ACLY: variants seen among roughly 807,000 people sequenced by gnomAD.
The protein encoded by ACLY is ATP citrate lyase, also known as ATP-citrate synthase.
ACLY carries 41 observed loss-of-function variants against 133.0 expected under a neutral mutation model. The ratio of observed to expected loss-of-function variants is 0.31; its 90% CI spans 0.24 to 0.40. The LOEUF (loss-of-function observed/expected upper bound fraction) is 0.40, where lower values mean the gene tolerates loss of function less well. ACLY is among the 10% of genes least tolerant of loss of function. The pLI, the probability that ACLY is intolerant of heterozygous loss-of-function variation, is 1.00. For synonymous variants in ACLY, 495 were observed against 549.3 expected (o/e 0.90, Z 1.38); for missense variants, 1,046 against 1,453.8 (o/e 0.72, Z 4.56).
At chr17:41,915,248 G>A (rs2050020714) in intron 1 of ACLY, among the ~76,000 whole-genome samples, 2 of 152,188 alleles carry the variant, frequency 1.3e-5, no homozygotes, top group Non-Finnish European at 1.5e-5. Flanking sequence ...AATCGGGGGA[G>A]GTGGGCATGG....
intron 18 of ACLY, among the ~76,000 whole-genome samples, chr17:41,885,732 A>C (rs1264991307): frequency 6.6e-6 from 1 of 152,166 alleles, no homozygotes; most frequent in Non-Finnish European, 1.5e-5. Flanking sequence ...TAGGGAGGTT[A>C]AGTAACCGGA....
chr17:41,904,454 G>A, intron 10 of ACLY: 1 of 477,312 alleles, frequency 2.1e-6, no homozygotes, highest in Non-Finnish European at 3.8e-6. Context: ...CATTGGTCCT[G>A]AGAAGGAAGA....
At chr17:41,912,342 C>T in intron 3 of ACLY, 78 bp downstream of exon 3, 1 of 1,560,232 alleles carries the variant, frequency 6.4e-7, no homozygotes, top group South Asian at 1.2e-5. Context: ...GGGGGTGATC[C>T]ACAGAGCTGC....
At chr17:41,887,236 C>T (rs782153300) in intron 17 of ACLY, among the ~76,000 whole-genome samples, 1 of 150,430 alleles carries the variant, frequency 6.6e-6, no homozygotes, top group African/African-American at 2.5e-5. Context: ...GTCAGGAGTT[C>T]GAGACCAGCC....
intron 20 of ACLY, among the ~76,000 whole-genome samples, chr17:41,882,852 C>G (rs1243772443): frequency 6.6e-6 from 1 of 152,174 alleles, no homozygotes; most frequent in East Asian, 1.9e-4. Context: ...GATGCCATCT[C>G]AACTTCTCCA....
intron 22 of ACLY, among the ~76,000 whole-genome samples, chr17:41,876,212 G>A (rs2048748119): frequency 6.6e-6 from 1 of 151,204 alleles, no homozygotes; most frequent in African/African-American, 2.4e-5. Flanking sequence ...GAGCGTCTTC[G>A]CCCGGCAGCC....
At position 41,913,903 on chromosome 17, in the gene ACLY, G is replaced by C. The variant is rs1484872384; in HGVS notation, c.-23-7C>G. On this transcript the variant is annotated splice_region_variant and splice_polypyrimidine_tract_variant and intron_variant, in intron 1 of 28. Coordinates refer to ENST00000352035, the MANE Select transcript of ACLY (RefSeq NM_001096.3). ...GCAGAGAGACCTGCTCTACCTGTCT[G>C]GGAGAGAGAAGCTGGTCAGAAGGGG... 1 of 1,613,798 alleles carries C rather than the reference G, an allele frequency of 6.2e-7. No individual in the cohort carries two copies. Among genetic ancestry groups the C allele is most frequent in the South Asian group, 1.1e-5 (1 of 91,038 alleles).
At chr17:41,868,638 C>T (rs2048525193) in intron 28 of ACLY, 71 bp downstream of exon 28, 10 of 1,031,512 alleles carry the variant, frequency 9.7e-6, no homozygotes, top group Non-Finnish European at 1.4e-5. Flanking sequence ...AACTCAACCC[C>T]ATGAGTAAGT....
chr17:41,869,078 A>C lies in ACLY; in HGVS notation c.3099T>G (p.Phe1033Leu). Reference sequence around the variant, plus strand: ...ACCCACAGTTTCTAAGCATGTCTACAAATGCGACTCCGATGAGACCATCTA... The same window carrying C: ...ACCCACAGTTTCTAAGCATGTCTACCAATGCGACTCCGATGAGACCATCTA... ...LNVDGLIGVA[F>L]VDMLRNCGSF... Residue 1033 changes from phenylalanine (F) to leucine (L), a missense_variant, in exon 27 of 29, where the codon TTT becomes TTG. Phe to Leu is a conservative substitution (Grantham distance 22, BLOSUM62 0). This residue lies in a region of ACLY where 205 missense variants were observed against 373.3 expected (regional missense o/e 0.55). Transcript: ENST00000352035. 1 of 1,614,106 alleles carries C rather than the reference A, an allele frequency of 6.2e-7. No homozygotes were observed. The highest frequency in any genetic ancestry group is 8.5e-7 in the Non-Finnish European group (1 of 1,180,006).
upstream of ACLY, among the ~76,000 whole-genome samples, chr17:41,920,613 A>AG (rs2050167115): frequency 7.6e-6 from 1 of 131,824 alleles, no homozygotes; most frequent in East Asian, 2.4e-4. Context: ...AAAAAAAAAA[A>AG]GATACACTCC....
chr17:41,929,376 G>C (rs1478168413), intron 1 of ACLY, among the ~76,000 whole-genome samples: 1 of 152,066 alleles, frequency 6.6e-6, no homozygotes. Flanking sequence ...TTACAGGCAT[G>C]AGCCACCACA....
At chr17:41,930,428 G>T in exon 1 of ACLY, 1 of 327,402 alleles carries the variant, frequency 3.1e-6, no homozygotes, top group Non-Finnish European at 5.8e-6. Context: ...GTCTTACAAG[G>T]GAGCCTTTTC....
At chr17:41,927,016 G>A (rs535406746) in intron 1 of ACLY, among the ~76,000 whole-genome samples, 83 of 152,040 alleles carry the variant, frequency 5.5e-4, no homozygotes, top group African/African-American at 1.9e-3. Context: ...TTCCAGGCAT[G>A]TGCCATCACG....
Position 41,892,413 on chromosome 17 carries a change from T to G in ACLY, c.1636A>C (p.Lys546Gln). 6.2e-7 allele frequency: 1 copy of G among 1,613,862 alleles called. No individual in the cohort carries two copies. The highest frequency in any genetic ancestry group is 8.5e-7 in the Non-Finnish European group (1 of 1,179,956). ...TTGAAGACAGGGATCAGGATCTCTT[T>G]GTGCCCCCAGTAAAACTTCTGCTTG... ...DHKQKFYWGH[K>Q]EILIPVFKNM... The change falls in exon 16 of 29, where the codon AAA (lysine) becomes CAA (glutamine). Residue 546 changes from lysine (K) to glutamine (Q), a missense_variant. Physicochemically the swap from Lys to Gln is moderately conservative, Grantham distance 53. Coordinates refer to ENST00000352035, the MANE Select transcript of ACLY (RefSeq NM_001096.3).
chr17:41,915,810 T>C (rs776153058), intron 1 of ACLY, among the ~76,000 whole-genome samples: 2 of 151,690 alleles, frequency 1.3e-5, no homozygotes, highest in Admixed American at 6.6e-5. Flanking sequence ...CCCCACCCCC[T>C]TCCAAAGAGA....
chr17:41,909,730 T>C (rs1027272328), intron 4 of ACLY, 30 bp from the exon 5 acceptor site: 1 of 1,605,916 alleles, frequency 6.2e-7, no homozygotes, highest in South Asian at 1.1e-5. Context: ...GACAGTGGGA[T>C]TGGGGTTGTG....
intron 5 of ACLY, 68 bp from the exon 6 acceptor site, chr17:41,909,136 C>T (rs919854918): frequency 6.5e-6 from 8 of 1,227,834 alleles, no homozygotes; most frequent in Admixed American, 5.7e-5. Flanking sequence ...CCCAGGCGCC[C>T]CGCAGCAATC....
chr17:41,887,248 G>A (rs1438878738), intron 17 of ACLY, among the ~76,000 whole-genome samples: 1 of 151,456 alleles, frequency 6.6e-6, no homozygotes, highest in East Asian at 1.9e-4. Flanking sequence ...AGACCAGCCT[G>A]ACCAACATGG....
intron 1 of ACLY, among the ~76,000 whole-genome samples, chr17:41,926,679 G>A (rs2050247261): frequency 6.6e-6 from 1 of 151,950 alleles, no homozygotes; most frequent in South Asian, 2.1e-4. Context: ...AGTAGAGACA[G>A]GGTTTCACCA....
Sources: gnomAD v4.1 joint callset for allele counts (sites outside exome capture counted in the v4.1 genomes callset) on GRCh38, gnomAD v4.1.1 for gene constraint, gnomAD v4.1.1 regional missense constraint, MANE v1.5 for transcripts, NCBI Gene and HGNC (gene_info 2026-07-23, HGNC 2026-07-21) for gene names.